GDPD5: variants seen among roughly 807,000 people sequenced by gnomAD.
GDPD5 encodes glycerophosphodiester phosphodiesterase domain containing 5.
GDPD5 carries 48 observed loss-of-function variants against 75.1 expected under a neutral mutation model. The observed-to-expected ratio is 0.64, with a 90% CI of 0.51 to 0.81. The LOEUF (loss-of-function observed/expected upper bound fraction) is 0.81. Among genes scored for constraint, GDPD5 ranks in the 40% least tolerant of loss-of-function variants. GDPD5 has a pLI of 0.00. For missense variants in GDPD5, 706 were observed against 822.6 expected, an observed-to-expected ratio of 0.86 and a Z score of 1.73; for synonymous variants, 336 against 339.0, an observed-to-expected ratio of 0.99 and a Z score of 0.10.
chr11:75,493,664 T>TG (rs1349499956), intron 1 of GDPD5, among the ~76,000 whole-genome samples: 3 of 151,590 alleles, frequency 2.0e-5, no homozygotes, highest in Non-Finnish European at 4.4e-5. Context: ...GGATGCTGCT[T>TG]GGGGGAGGAG....
intron 1 of GDPD5, among the ~76,000 whole-genome samples, chr11:75,495,124 G>A (rs753654593): frequency 4.6e-5 from 7 of 151,758 alleles, no homozygotes; most frequent in Admixed American, 1.3e-4. Flanking sequence ...AAAATTAGCC[G>A]GGTGTGATGG....
chr11:75,505,461 C>T (rs1950377452), intron 1 of GDPD5, among the ~76,000 whole-genome samples: 1 of 152,112 alleles, frequency 6.6e-6, no homozygotes, highest in Non-Finnish European at 1.5e-5. Context: ...CACTGCATGA[C>T]CTTGGGCCAG....
chr11:75,435,781 C>T (rs950401145), intron 16 of GDPD5, 126 bp from the exon 17 acceptor site: 2 of 931,920 alleles, frequency 2.1e-6, no homozygotes, highest in Non-Finnish European at 3.1e-6. Flanking sequence ...CCACTGGGCT[C>T]AGGTCGACAT....
chr11:75,447,592 T>G (rs1040295409), intron 9 of GDPD5, among the ~76,000 whole-genome samples: 5 of 152,230 alleles, frequency 3.3e-5, no homozygotes, highest in Non-Finnish European at 7.3e-5. Context: ...TATGCTTTTC[T>G]CCACTTCTGC....
intron 4 of GDPD5, 150 bp downstream of exon 4, chr11:75,462,636 G>C: frequency 1.6e-6 from 1 of 634,974 alleles, no homozygotes; most frequent in Non-Finnish European, 2.8e-6. Context: ...GGCTCCCAGG[G>C]AGTAGGCCCT....
At chr11:75,449,824 A>T in intron 7 of GDPD5, 61 bp downstream of exon 7, 1 of 1,546,708 alleles carries the variant, frequency 6.5e-7, no homozygotes, top group Non-Finnish European at 8.9e-7. Context: ...CTTGGTCTGG[A>T]GAAAGGGAAG....
At chr11:75,453,426 A>G (rs553294457) in intron 6 of GDPD5, among the ~76,000 whole-genome samples, 1 of 152,056 alleles carries the variant, frequency 6.6e-6, no homozygotes, top group African/African-American at 2.4e-5. Context: ...AGACCACCCT[A>G]GCTAACACGG....
intron 15 of GDPD5, chr11:75,438,154 C>CT (rs1948675451): frequency 6.6e-6 from 1 of 152,360 alleles, no homozygotes; most frequent in Non-Finnish European, 1.5e-5. Flanking sequence ...CCTGGCGAGG[C>CT]TGGCTGCCCT....
chr11:75,439,500 G>C, intron 15 of GDPD5: 5 of 395,676 alleles, frequency 1.3e-5, no homozygotes, highest in South Asian at 9.4e-5. Flanking sequence ...GGGGCCCCAG[G>C]CTGGCCCTAG....
chr11:75,435,216 C>T lies in GDPD5; in HGVS notation c.*291G>A, dbSNP rs567358812. The T allele has an allele frequency of 6.0e-5, 19 of 314,740 alleles. No individual in the cohort carries two copies. Among genetic ancestry groups the T allele is most frequent in the Admixed American group, 3.6e-4 (8 of 22,256 alleles). The allele number at this position is 314,740 out of a possible 1,614,324, so 19.5% of individuals were successfully genotyped here. On this transcript the variant is annotated 3_prime_UTR_variant, in exon 17 of 17. Transcript: ENST00000336898. ...CCATGACCCATCAAAGCTTCCAGGT[C>T]GGGATACAGGAGAGGGCCTCAGAAG...
At chr11:75,462,363 G>A (rs1264094728) in intron 4 of GDPD5, among the ~76,000 whole-genome samples, 2 of 152,120 alleles carry the variant, frequency 1.3e-5, no homozygotes, top group Non-Finnish European at 2.9e-5. Flanking sequence ...ATCAATGCAA[G>A]CACCAAGGGG....
At chr11:75,480,788 T>G (rs954891378) in intron 2 of GDPD5, among the ~76,000 whole-genome samples, 1 of 152,232 alleles carries the variant, frequency 6.6e-6, no homozygotes, top group Admixed American at 6.5e-5. Context: ...GAATAGTCTT[T>G]ATGTTTTTAA....
chr11:75,460,127 C>G (rs1949380297), intron 4 of GDPD5, among the ~76,000 whole-genome samples: 2 of 152,108 alleles, frequency 1.3e-5, no homozygotes, highest in Admixed American at 1.3e-4. Flanking sequence ...CTCCTGATAA[C>G]TATTCCTGAA....
chr11:75,521,111 C>G (rs1370642469), intron 1 of GDPD5, among the ~76,000 whole-genome samples: 2 of 152,192 alleles, frequency 1.3e-5, no homozygotes, highest in African/African-American at 4.8e-5. Flanking sequence ...CAGGGGAGCT[C>G]AGAACCCACC....
chr11:75,497,977 G>A (rs979341718), intron 1 of GDPD5, among the ~76,000 whole-genome samples: 2 of 152,158 alleles, frequency 1.3e-5, no homozygotes, highest in African/African-American at 4.8e-5. Flanking sequence ...TACAAAATGG[G>A]TTACAAACAT....
In GDPD5 at chr11:75,449,871, CCCT is replaced by C; in HGVS notation, c.474+11_474+13del. ...CTCTTGTTGTGAGGGTCCTGGGGGA[CCCT>C]CCTCACTCACCTGCAGGGAGATCAG... On this transcript the variant is annotated intron_variant, in intron 7 of 16. Coordinates refer to ENST00000336898, the MANE Select transcript of GDPD5 (RefSeq NM_030792.8). 1 of 1,610,740 alleles carries C rather than the reference CCCT, an allele frequency of 6.2e-7. No homozygotes were observed. The highest frequency in any genetic ancestry group is 1.7e-4 in the Middle Eastern group (1 of 6,042).
chr11:75,515,306 A>G lies in GDPD5; in HGVS notation c.-145+9904T>C, dbSNP rs192421791. Among the ~76,000 whole-genome samples the G allele has an allele frequency of 2.2e-3, 339 of 152,304 alleles. 4 individuals carry two copies. The South Asian group carries it at 0.029, about 13-fold the overall frequency. ...CCACATGGTTTCCATGCAAAGTGTC[A>G]TATCTTCTGTCCTCTCCCTGACCAT... On this transcript the variant is annotated intron_variant, in intron 1 of 16. Transcript: ENST00000336898.
intron 1 of GDPD5, among the ~76,000 whole-genome samples, chr11:75,493,796 G>A (rs769902857): frequency 9.2e-5 from 14 of 152,134 alleles, no homozygotes; most frequent in Non-Finnish European, 1.3e-4. Flanking sequence ...TCTCTATTCC[G>A]GTCTTGCTGT....
At chr11:75,455,522 C>G (rs1949266941) in intron 6 of GDPD5, among the ~76,000 whole-genome samples, 1 of 152,230 alleles carries the variant, frequency 6.6e-6, no homozygotes, top group African/African-American at 2.4e-5. Context: ...CCACTCCACA[C>G]AGCCCAACCC....
Sources: allele counts gnomAD v4.1 joint callset (sites outside exome capture counted in the v4.1 genomes callset), GRCh38; gene constraint gnomAD v4.1.1; transcripts MANE v1.5; gene names NCBI Gene and HGNC (gene_info 2026-07-23, HGNC 2026-07-21).